Variants in NHLH2 observed in about 807,000 individuals in gnomAD.
NHLH2 encodes helix-loop-helix protein 2.
Under a neutral mutation model 7.3 loss-of-function variants are expected in NHLH2, and 7 were observed. The observed-to-expected ratio is 0.96, with a 90% CI of 0.55 to 1.81. The LOEUF is 1.81. NHLH2 is among the 40% of genes most tolerant of loss of function. The pLI is 0.00. For synonymous variants in NHLH2, 93 were observed against 91.6 expected (o/e 1.01, Z -0.09); for missense variants, 155 against 194.0 (o/e 0.80, Z 1.19).
At chr1:115,835,722 A>G (rs1650852932), downstream of NHLH2, among the ~76,000 whole-genome samples, 2 of 152,218 alleles carry the variant, frequency 1.3e-5, no homozygotes, top group African/African-American at 4.8e-5. Context: ...CTATATATGC[A>G]TATGTACATA....
chr1:115,833,607 T>C (rs981494150), downstream of NHLH2, among the ~76,000 whole-genome samples: 4 of 152,208 alleles, frequency 2.6e-5, no homozygotes, highest in African/African-American at 4.8e-5. Flanking sequence ...AGTCATCTAA[T>C]TTCTTTAAGC....
chr1:115,834,894 AAAG>A (rs1195414901), downstream of NHLH2, among the ~76,000 whole-genome samples: 1 of 152,226 alleles, frequency 6.6e-6, no homozygotes, highest in Non-Finnish European at 1.5e-5. Context: ...ATCGTCATTC[AAAG>A]AAGAATCGAG....
At chr1:115,832,577 T>C (rs1364545047), downstream of NHLH2, among the ~76,000 whole-genome samples, 2 of 152,188 alleles carry the variant, frequency 1.3e-5, no homozygotes, top group Admixed American at 6.5e-5. Context: ...CGTTGTCCCA[T>C]CTTATGGATG....
chr1:115,834,941 C>T (rs925977601), downstream of NHLH2, among the ~76,000 whole-genome samples: 3 of 152,170 alleles, frequency 2.0e-5, no homozygotes, highest in African/African-American at 7.2e-5. Context: ...ACTGTGTCTG[C>T]GCTGTGCTCA....
At chr1:115,836,207 A>C (rs1033755430), downstream of NHLH2, among the ~76,000 whole-genome samples, 2 of 152,180 alleles carry the variant, frequency 1.3e-5, no homozygotes, top group Non-Finnish European at 2.9e-5. Flanking sequence ...TATGGGACTG[A>C]TCCACGTCCA....
chr1:115,835,500 G>A (rs1293120966), downstream of NHLH2, among the ~76,000 whole-genome samples: 1 of 152,174 alleles, frequency 6.6e-6, no homozygotes, highest in Non-Finnish European at 1.5e-5. Context: ...ACACTAGGAA[G>A]TACTTTCCTA....
At chr1:115,832,785 G>A (rs186819747), downstream of NHLH2, among the ~76,000 whole-genome samples, 1 of 152,330 alleles carries the variant, frequency 6.6e-6, no homozygotes, top group East Asian at 1.9e-4. Flanking sequence ...GAAACGGAAA[G>A]CTTTGTAATG....
At position 115,838,365 on chromosome 1, in the gene NHLH2, A is replaced by G; in HGVS notation, c.8T>C (p.Leu3Pro). 1 of 1,608,964 alleles carries G rather than the reference A, an allele frequency of 6.2e-7. No individual in the cohort carries two copies. The highest frequency in any genetic ancestry group is 2.2e-5 in the East Asian group (1 of 44,680). The change falls in exon 3 of 3, where the codon CTG becomes CCG. Residue 3 changes from leucine to proline, a missense_variant. Coordinates refer to ENST00000320238, the MANE Select transcript of NHLH2 (RefSeq NM_005599.3). Reference protein sequence around the residue: MMLSPDQAADSDH... With the variant: MMPSPDQAADSDH... ...CGAATCTGCTGCTTGGTCCGGACTCAGCATCATTTTGGAGGCTGAGGAGGG... is the reference window on the plus strand; with the variant it reads ...CGAATCTGCTGCTTGGTCCGGACTCGGCATCATTTTGGAGGCTGAGGAGGG...
At chr1:115,832,319 G>C (rs1040445789), downstream of NHLH2, among the ~76,000 whole-genome samples, 1 of 152,108 alleles carries the variant, frequency 6.6e-6, no homozygotes, top group East Asian at 1.9e-4. Flanking sequence ...ATGATTTCTG[G>C]CTGACTGTTG....
rs146569526 is a variant in NHLH2, at chr1:115,838,464, T to C, written c.-8-84A>G. 9.4e-4 allele frequency: 1,394 copies of C among 1,476,966 alleles called. 13 individuals carry two copies. The African/African-American group carries it at 0.017, about 18-fold the overall frequency. 91.5% of individuals were successfully genotyped at this position (1,476,966 alleles called of 1,614,324 possible). On this transcript the variant is annotated intron_variant, in intron 2 of 2. Coordinates refer to ENST00000320238, the MANE Select transcript of NHLH2 (RefSeq NM_005599.3). ...TGGCTGCCGAGGCCTACCACGCCGG[T>C]CCTCCCAGCGGACGCGCGGCCCGGG...
chr1:115,833,834 C>A (rs1650807106), downstream of NHLH2, among the ~76,000 whole-genome samples: 1 of 152,192 alleles, frequency 6.6e-6, no homozygotes, highest in African/African-American at 2.4e-5. Context: ...TTAAGTTGGC[C>A]CTCTTCTCCC....
At chr1:115,831,989 T>A (rs1891508), downstream of NHLH2, among the ~76,000 whole-genome samples, 6 of 151,686 alleles carry the variant, frequency 4.0e-5, no homozygotes, top group African/African-American at 1.5e-4. Context: ...TACACACACA[T>A]TGGATGTGAG....
At chr1:115,839,742 C>T (rs891947096) in intron 2 of NHLH2, 1 of 166,780 alleles carries the variant, frequency 6.0e-6, no homozygotes, top group Admixed American at 6.5e-5. Context: ...CGTATAGGAG[C>T]GTTTGCTTCT....
intron 2 of NHLH2, 29 bp from the exon 3 acceptor site, chr1:115,838,409 A>G (rs763959463): frequency 3.1e-6 from 5 of 1,603,424 alleles, no homozygotes; most frequent in African/African-American, 2.7e-5. Context: ...ATTAATCAGT[A>G]AAAGGAATCA....
intron 2 of NHLH2, chr1:115,838,917 C>A (rs952179823): frequency 6.0e-6 from 1 of 167,860 alleles, no homozygotes. Flanking sequence ...TGGTCTGGGG[C>A]TGCGCCGGGG....
At chr1:115,831,547 C>T (rs1539419), downstream of NHLH2, among the ~76,000 whole-genome samples, 9,895 of 152,174 alleles carry the variant, frequency 0.065, 1,122 homozygotes, top group African/African-American at 0.23. Flanking sequence ...CATCTGTGAG[C>T]ACTTGCATAT....
chr1:115,839,185 T>C (rs1468282259), intron 2 of NHLH2: 1 of 167,004 alleles, frequency 6.0e-6, no homozygotes, highest in Non-Finnish European at 1.5e-5. Flanking sequence ...GATCAGACAA[T>C]GCGCCCGGCA....
intron 2 of NHLH2, chr1:115,839,427 C>T (rs757141147): frequency 9.0e-5 from 15 of 166,804 alleles, no homozygotes; most frequent in Non-Finnish European, 1.8e-4. Context: ...CAAGTCCGGG[C>T]ATGTCGGTGC....
rs1338550970 is a variant in NHLH2, at chr1:115,838,369, T to G, written c.4A>C (p.Met2Leu). The G allele has an allele frequency of 6.2e-7, 1 of 1,608,856 alleles. No individual in the cohort carries two copies. The highest frequency in any genetic ancestry group is 1.3e-5 in the African/African-American group (1 of 74,556). The stretch of plus-strand genomic sequence containing the variant: ...TCTGCTGCTTGGTCCGGACTCAGCA[T>G]CATTTTGGAGGCTGAGGAGGGGTCG... M[M>L]LSPDQAADSD... The change falls in exon 3 of 3, where the codon ATG becomes CTG. Residue 2 changes from methionine (M) to leucine (L), a missense_variant. Physicochemically the swap from Met to Leu is conservative, Grantham distance 15. Transcript: ENST00000320238.
Sources: gnomAD v4.1 joint callset for allele counts (sites outside exome capture counted in the v4.1 genomes callset) on GRCh38, gnomAD v4.1.1 for gene constraint, MANE v1.5 for transcripts, NCBI Gene and HGNC (gene_info 2026-07-23, HGNC 2026-07-21) for gene names.